PCDHA13: variants seen among roughly 807,000 people sequenced by gnomAD.
PCDHA13 encodes protocadherin alpha-13.
A neutral mutation model predicts 64.8 loss-of-function variants in PCDHA13; 54 were observed. The ratio of observed to expected loss-of-function variants is 0.83; its 90% CI spans 0.67 to 1.04. PCDHA13 has a LOEUF of 1.04. Among genes scored for constraint, PCDHA13 ranks in the 50% least tolerant of loss-of-function variants. PCDHA13 has a pLI of 0.00. For synonymous variants in PCDHA13, 587 were observed against 564.4 expected (o/e 1.04, Z -0.57); for missense variants, 1,248 against 1,254.3 (o/e 0.99, Z 0.08).
chr5:140,882,438 C>A lies in PCDHA13; in HGVS notation c.170C>A (p.Ala57Glu), dbSNP rs782795158. Residue 57 changes from alanine (A) to glutamate (E), a missense_variant, in exon 1 of 4, where the codon GCG becomes GAG. Physicochemically the swap from Ala to Glu is moderately radical, Grantham distance 107. Coordinates refer to ENST00000289272, the MANE Select transcript of PCDHA13 (RefSeq NM_018904.3). ...GCTCAGGACCTGGGGCTGGAGCTGG[C>A]GGAGCTGGTGCCGCGCCTGTTCCGG... ...RIAQDLGLELAELVPRLFRVA... is the reference protein window; with the variant it reads ...RIAQDLGLELEELVPRLFRVA... 3.1e-6 allele frequency: 5 copies of A among 1,613,902 alleles called. No individual in the cohort carries two copies. In the Admixed American group the frequency reaches 5.0e-5, roughly 16 times the overall value.
intron 1 of PCDHA13, among the ~76,000 whole-genome samples, chr5:140,912,377 A>T (rs1202586249): frequency 1.3e-5 from 2 of 149,084 alleles, no homozygotes; most frequent in Admixed American, 6.7e-5. Context: ...TGTAAAAGGG[A>T]TTGAGTTCTT....
chr5:140,959,424 G>A (rs957625236), intron 1 of PCDHA13, among the ~76,000 whole-genome samples: 1 of 152,104 alleles, frequency 6.6e-6, no homozygotes, highest in Non-Finnish European at 1.5e-5. Context: ...CTGAGAATTT[G>A]TGTATTTTTT....
Position 140,979,718 on chromosome 5 carries a change from T to C in PCDHA13, c.2453+711T>C, listed in dbSNP as rs372148471. Among the ~76,000 whole-genome samples, 17 of 152,388 alleles carry C rather than the reference T, an allele frequency of 1.1e-4. No homozygotes were observed. The East Asian group carries it at 2.7e-3, about 24-fold the overall frequency. On this transcript the variant is annotated intron_variant, in intron 2 of 3. Transcript: ENST00000289272. ...ATTTCTGGAGGTGATCCAGTATCCA[T>C]GCCATGGGGCCAAATAAAAGATTCA...
rs545893416 is a variant in PCDHA13, at chr5:140,934,382, A to G, written c.2395-44567A>G. On this transcript the variant is annotated intron_variant, in intron 1 of 3. Transcript: ENST00000289272. ...CTGCTTTGACTCCTTCTGTGGTTCT[A>G]TGGTGGCCAGCTTTACCCACCAATG... Among the ~76,000 whole-genome samples the G allele has an allele frequency of 2.0e-3, 310 of 152,264 alleles. 8 individuals are homozygous for G. Among genetic ancestry groups the G allele is most frequent in the South Asian group, 3.9e-3 (19 of 4,830 alleles).
Position 140,967,862 on chromosome 5 carries a change from G to T in PCDHA13, c.2395-11087G>T, listed in dbSNP as rs781878230. On this transcript the variant is annotated intron_variant, in intron 1 of 3. Transcript: ENST00000289272. ...CGTGAATGACAATGCCCCAGAGGTG[G>T]TGCTCACGGACCTGTATAGCCCAGT... The T allele has an allele frequency of 8.1e-6, 13 of 1,614,170 alleles. No individual in the cohort carries two copies. The East Asian group carries it at 2.5e-4, about 30-fold the overall frequency.
At chr5:140,958,586 T>A (rs561856247) in intron 1 of PCDHA13, among the ~76,000 whole-genome samples, 11 of 152,266 alleles carry the variant, frequency 7.2e-5, no homozygotes, top group African/African-American at 2.6e-4. Flanking sequence ...TAAATGAGCT[T>A]ATGATAATTG....
chr5:140,888,753 A>G (rs1237459726), intron 1 of PCDHA13, among the ~76,000 whole-genome samples: 1 of 149,022 alleles, frequency 6.7e-6, no homozygotes, highest in Non-Finnish European at 1.5e-5. Flanking sequence ...TATTCTACCC[A>G]CTTTTTTTTT....
At chr5:140,927,300 C>T (rs2084061617) in intron 1 of PCDHA13, 2 of 1,614,052 alleles carry the variant, frequency 1.2e-6, no homozygotes, top group South Asian at 2.2e-5. Flanking sequence ...TCCCCGAGTT[C>T]CTGACGCCCG....
At chr5:140,946,097 C>T (rs1452170851) in intron 1 of PCDHA13, among the ~76,000 whole-genome samples, 1 of 151,826 alleles carries the variant, frequency 6.6e-6, no homozygotes, top group Admixed American at 6.6e-5. Context: ...AAGGAGTTAA[C>T]ATACCAAATA....
At position 140,883,960 on chromosome 5, in the gene PCDHA13, G is replaced by C; in HGVS notation, c.1692G>C (p.Ala564=). ...TGGACGAGAACGACAACGCTCCGGC[G>C]CTGCTGACGCCCGGGGCTGGCAGCG... ...FVLDENDNAP[A]LLTPGAGSAG... Residue 564 remains alanine (A), a synonymous_variant, in exon 1 of 4, where the codon GCG becomes GCC. Transcript: ENST00000289272. 5 of 1,613,090 alleles carry C rather than the reference G, an allele frequency of 3.1e-6. No individual in the cohort carries two copies. The highest frequency in any genetic ancestry group is 4.2e-6 in the Non-Finnish European group (5 of 1,179,782).
At position 140,884,253 on chromosome 5, in the gene PCDHA13, C is replaced by G. The variant is rs1356283866; in HGVS notation, c.1985C>G (p.Thr662Arg). Residue 662 changes from threonine (T) to arginine (R), a missense_variant, in exon 1 of 4, where the codon ACG (threonine) becomes AGG (arginine). Coordinates refer to ENST00000289272, the MANE Select transcript of PCDHA13 (RefSeq NM_018904.3). Reference sequence around the variant, plus strand: ...CACGGTGAGCCCGCGCTGACGGCCACGGCAACGGTGCTGTTGTCGCTGGTG... The same window carrying G: ...CACGGTGAGCCCGCGCTGACGGCCAGGGCAACGGTGCTGTTGTCGCTGGTG... ...KDHGEPALTA[T>R]ATVLLSLVES... is the part of the protein sequence containing the mutation. The G allele has an allele frequency of 1.2e-6, 2 of 1,613,302 alleles. No homozygotes were observed. The highest frequency in any genetic ancestry group is 1.7e-6 in the Non-Finnish European group (2 of 1,179,708).
intron 1 of PCDHA13, among the ~76,000 whole-genome samples, chr5:140,973,724 G>T (rs1272606867): frequency 6.6e-6 from 1 of 152,176 alleles, no homozygotes; most frequent in Non-Finnish European, 1.5e-5. Context: ...CATCACATGG[G>T]CATCTGGTCT....
At chr5:140,941,247 CT>C (rs1398354432) in intron 1 of PCDHA13, among the ~76,000 whole-genome samples, 1 of 128,506 alleles carries the variant, frequency 7.8e-6, no homozygotes, top group African/African-American at 2.9e-5. Context: ...TTCTTTCTTT[CT>C]TTCTTTCTCT....
At chr5:140,895,897 C>T (rs994708254) in intron 1 of PCDHA13, among the ~76,000 whole-genome samples, 25 of 152,240 alleles carry the variant, frequency 1.6e-4, no homozygotes, top group African/African-American at 5.3e-4. Flanking sequence ...CTGCAACCTC[C>T]GCGTCCCGGG....
chr5:140,990,834 A>G (rs1554251782), intron 3 of PCDHA13, among the ~76,000 whole-genome samples: 1 of 152,234 alleles, frequency 6.6e-6, no homozygotes, highest in East Asian at 1.9e-4. Flanking sequence ...AAAGCCTATT[A>G]GCAAAAATAG....
At chr5:140,890,363 C>T (rs1217094920) in intron 1 of PCDHA13, among the ~76,000 whole-genome samples, 1 of 152,036 alleles carries the variant, frequency 6.6e-6, no homozygotes, top group African/African-American at 2.4e-5. Flanking sequence ...CAATGGATAA[C>T]CTGAACAAGT....
In PCDHA13 at chr5:141,010,735, T is replaced by G. The variant is rs192374006; in HGVS notation, c.*798T>G. On this transcript the variant is annotated 3_prime_UTR_variant, in exon 4 of 4. Coordinates refer to ENST00000289272, the MANE Select transcript of PCDHA13 (RefSeq NM_018904.3). ...GTGCTCACTTTATTAAAAATTCTTT[T>G]GCACACAATGTTTATGAAAAGGCCA... The G allele has an allele frequency of 6.5e-6, 1 of 154,174 alleles. No individual in the cohort carries two copies. The highest frequency in any genetic ancestry group is 1.5e-5 in the Non-Finnish European group (1 of 68,224). 9.6% of individuals were successfully genotyped at this position (154,174 alleles called of 1,614,324 possible). A position where few individuals can be genotyped will look rare whatever the true frequency, so the allele number is the denominator to read the frequency against.
At chr5:140,918,562 A>G (rs536690328) in intron 1 of PCDHA13, among the ~76,000 whole-genome samples, 17 of 152,330 alleles carry the variant, frequency 1.1e-4, no homozygotes, top group African/African-American at 3.4e-4. Context: ...AGAAGAATGT[A>G]TATTATGCTG....
chr5:140,888,586 C>T (rs1408191600), intron 1 of PCDHA13, among the ~76,000 whole-genome samples: 1 of 152,154 alleles, frequency 6.6e-6, no homozygotes, highest in East Asian at 1.9e-4. Flanking sequence ...TTTGTTAGTA[C>T]ACATTCAGAG....
Sources: allele counts gnomAD v4.1 joint callset (sites outside exome capture counted in the v4.1 genomes callset), GRCh38; gene constraint gnomAD v4.1.1; transcripts MANE v1.5; gene names NCBI Gene and HGNC (gene_info 2026-07-23, HGNC 2026-07-21).